The following PSG3 variants were observed in gnomAD, a reference collection of about 807,000 sequenced individuals.
PSG3 encodes the protein pregnancy-specific beta-1-glycoprotein 3.
Under a neutral mutation model 47.5 loss-of-function variants are expected in PSG3, and 61 were observed. The ratio of observed to expected loss-of-function variants is 1.28; its 90% CI spans 1.05 to 1.59. The LOEUF is 1.59. Ranked by LOEUF, PSG3 falls within the 40% of genes most tolerant of loss-of-function variation. The probability of loss-of-function intolerance (pLI) is 0.00; values close to 1 mark genes in which losing one functional copy is unlikely to be tolerated. For missense variants in PSG3, 756 were observed against 524.0 expected (o/e 1.44, Z -4.32); for synonymous variants, 263 against 198.4 (o/e 1.33, Z -2.74).
chr19:42,736,040 A>G lies in PSG3; in HGVS notation c.430+2684T>C, dbSNP rs1479162480. Among the ~76,000 whole-genome samples the G allele has an allele frequency of 2.0e-5, 3 of 152,188 alleles. No homozygotes were observed. In the East Asian group the frequency reaches 5.8e-4, roughly 29 times the overall value. On this transcript the variant is annotated intron_variant, in intron 2 of 6. Transcript: ENST00000327495. ...TTGGGAGGAATTTAGTTTATTGTTT[A>G]ACTTTGAAGCAAGAATGATAATTGT...
In PSG3 at chr19:42,723,912, G is replaced by A. The variant is rs1247876778; in HGVS notation, c.*40+30C>T. ...CCAAGCATGGCAGTTAGCCCTGCAG[G>A]AACCAGGATAAGAGGAAAGGTCATC... is the stretch of plus-strand genomic sequence containing the variant. On this transcript the variant is annotated intron_variant, in intron 6 of 6. Transcript: ENST00000327495. 8 of 1,508,916 alleles carry A rather than the reference G, an allele frequency of 5.3e-6. No homozygotes were observed. In the African/African-American group the frequency reaches 6.9e-5, roughly 13 times the overall value. The allele number at this position is 1,508,916 out of a possible 1,614,324, so 93.5% of individuals were successfully genotyped here.
chr19:42,739,425 C>T (rs988552226), intron 1 of PSG3: 3 of 274,636 alleles, frequency 1.1e-5, no homozygotes, highest in African/African-American at 2.2e-5. Context: ...GACTTCTTTC[C>T]TGACGCCTCC....
At chr19:42,736,446 C>G (rs1452722633) in intron 2 of PSG3, among the ~76,000 whole-genome samples, 2 of 152,126 alleles carry the variant, frequency 1.3e-5, no homozygotes, top group African/African-American at 4.8e-5. Context: ...CACCAATCAG[C>G]AGTACTCATT....
At chr19:42,736,060 A>C (rs1600389376) in intron 2 of PSG3, among the ~76,000 whole-genome samples, 1 of 152,204 alleles carries the variant, frequency 6.6e-6, no homozygotes, top group East Asian at 1.9e-4. Context: ...CAAGAATGAT[A>C]ATTGTTCCTC....
chr19:42,722,408 G>A (rs1409544503), intron 6 of PSG3, among the ~76,000 whole-genome samples: 6 of 152,090 alleles, frequency 3.9e-5, no homozygotes, highest in South Asian at 4.1e-4. Flanking sequence ...CTGCCACCAA[G>A]CCCGGCTAAT....
At chr19:42,723,215 T>C (rs1051864108) in intron 6 of PSG3, among the ~76,000 whole-genome samples, 2 of 152,230 alleles carry the variant, frequency 1.3e-5, no homozygotes, top group Admixed American at 1.3e-4. Context: ...GGTTCACATG[T>C]TAATCCTAAA....
chr19:42,733,082 A>G lies in PSG3; in HGVS notation c.431-20T>C, dbSNP rs375046293. The G allele has an allele frequency of 3.7e-6, 6 of 1,609,288 alleles. No individual in the cohort carries two copies. The highest frequency in any genetic ancestry group is 5.1e-6 in the Non-Finnish European group (6 of 1,177,162). On this transcript the variant is annotated intron_variant, in intron 2 of 6. Transcript: ENST00000327495. ...TCTCCACTGTGCAGAAAACAGAGAG[A>G]AGATTGCCCTGTGTGGCACCTTTGA...
chr19:42,732,812 G>C lies in PSG3; in HGVS notation c.681C>G (p.Arg227=). The change falls in exon 3 of 7, where the codon CGC becomes CGG. Residue 227 remains arginine (R), a synonymous_variant. Transcript: ENST00000327495. ...GGAGATTCAGGGTGACTGGGTCACT[G>C]CGGCTGGCACTCACTGGGTTCCGTA... is the stretch of plus-strand genomic sequence containing the variant. ...CEIRNPVSAS[R]SDPVTLNLLP... 1 of 1,614,196 alleles carries C rather than the reference G, an allele frequency of 6.2e-7. No homozygotes were observed. The highest frequency in any genetic ancestry group is 1.3e-5 in the African/African-American group (1 of 75,058).
intron 5 of PSG3, among the ~76,000 whole-genome samples, chr19:42,724,429 C>T (rs34413662): frequency 3.9e-5 from 6 of 152,190 alleles, no homozygotes; most frequent in Non-Finnish European, 7.4e-5. Flanking sequence ...ACAGAAGGCC[C>T]AGGTCAGTGC....
chr19:42,724,419 A>T (rs1221451284), intron 5 of PSG3, among the ~76,000 whole-genome samples: 1 of 152,170 alleles, frequency 6.6e-6, no homozygotes, highest in South Asian at 2.1e-4. Context: ...GACTTGATTG[A>T]CAGAAGGCCC....
At chr19:42,725,005 T>C (rs1489253134) in intron 5 of PSG3, among the ~76,000 whole-genome samples, 2 of 152,122 alleles carry the variant, frequency 1.3e-5, no homozygotes, top group African/African-American at 2.4e-5. Flanking sequence ...ATTATTTCCA[T>C]TTTGCCGATG....
At chr19:42,734,782 A>C (rs1425557109) in intron 2 of PSG3, among the ~76,000 whole-genome samples, 1 of 152,222 alleles carries the variant, frequency 6.6e-6, no homozygotes, top group Non-Finnish European at 1.5e-5. Context: ...AAGGATGCCA[A>C]ACTAAAAGAA....
At position 42,730,117 on chromosome 19, in the gene PSG3, C is replaced by A. The variant is rs2883103; in HGVS notation, c.710-61G>T. On this transcript the variant is annotated intron_variant, in intron 3 of 6. Transcript: ENST00000327495. ...GCACCTTTGATTCCTCCACTGGCAT[C>A]CTTCAATCAGAGTTGGCATCTCCCA... The A allele has an allele frequency of 6.9e-6, 11 of 1,597,206 alleles. No homozygotes were observed. The East Asian group carries it at 9.0e-5, about 13-fold the overall frequency.
At chr19:42,739,940 T>C (rs1212916320) in intron 1 of PSG3, among the ~76,000 whole-genome samples, 1 of 151,870 alleles carries the variant, frequency 6.6e-6, no homozygotes, top group Non-Finnish European at 1.5e-5. Flanking sequence ...TTTCCTTTTT[T>C]TCTTTTTTCT....
intron 6 of PSG3, among the ~76,000 whole-genome samples, chr19:42,722,862 T>C (rs2122155412): frequency 6.6e-6 from 1 of 152,330 alleles, no homozygotes; most frequent in Admixed American, 6.5e-5. Flanking sequence ...CCTTGTTACA[T>C]GTTAGTAGTG....
Position 42,723,974 on chromosome 19 carries a change from C to A in PSG3, c.*8G>T, listed in dbSNP as rs201068330. On this transcript the variant is annotated 3_prime_UTR_variant, in exon 6 of 7. Transcript: ENST00000327495. The stretch of plus-strand genomic sequence containing the variant: ...TCTTCCTGAAATACAGAAATGACAT[C>A]ACGGCTGCTATAATGGATTAAGGCC... 6.2e-7 allele frequency: 1 copy of A among 1,607,192 alleles called. No individual in the cohort carries two copies. Among genetic ancestry groups the A allele is most frequent in the African/African-American group, 1.3e-5 (1 of 74,722 alleles).
At chr19:42,724,390 G>C (rs1308321884) in intron 5 of PSG3, among the ~76,000 whole-genome samples, 3 of 152,150 alleles carry the variant, frequency 2.0e-5, no homozygotes, top group African/African-American at 7.2e-5. Flanking sequence ...ATGAGACCCT[G>C]CCAGGTCTCC....
At chr19:42,739,168 G>T in intron 1 of PSG3, 79 bp from the exon 2 acceptor site, 2 of 1,490,236 alleles carry the variant, frequency 1.3e-6, no homozygotes, top group Admixed American at 2.0e-5. Flanking sequence ...GTCCTGAGAA[G>T]GTCTCTTCAA....
chr19:42,727,784 T>C (rs187577470), intron 5 of PSG3, among the ~76,000 whole-genome samples: 7 of 152,252 alleles, frequency 4.6e-5, no homozygotes, highest in South Asian at 2.1e-4. Context: ...ATAATCCCCA[T>C]AGAATTGAAA....
Sources: allele counts gnomAD v4.1 joint callset (sites outside exome capture counted in the v4.1 genomes callset), GRCh38; gene constraint gnomAD v4.1.1; transcripts MANE v1.5; gene names NCBI Gene and HGNC (gene_info 2026-07-23, HGNC 2026-07-21).